Variants in DHX29 observed in about 807,000 individuals in gnomAD.
The protein encoded by DHX29 is DExH-box helicase 29, also known as ATP-dependent RNA helicase DHX29.
DHX29 carries 79 observed loss-of-function variants against 167.9 expected under a neutral mutation model. That is an observed-to-expected ratio of 0.47 (90% CI 0.39 to 0.57). DHX29 has a LOEUF of 0.57. Ranked by LOEUF, DHX29 falls within the 20% of genes least tolerant of loss-of-function variation. The pLI, the probability that DHX29 is intolerant of heterozygous loss-of-function variation, is 0.00. For missense variants in DHX29, 1,347 were observed against 1,593.4 expected (o/e 0.85, Z 2.63); for synonymous variants, 530 against 546.0 (o/e 0.97, Z 0.41).
intron 22 of DHX29, 71 bp from the exon 23 acceptor site, chr5:55,267,302 A>G: frequency 9.3e-7 from 1 of 1,078,540 alleles, no homozygotes; most frequent in Non-Finnish European, 1.4e-6. Context: ...TTTCAGAGCT[A>G]GTAACCAAAG....
intron 16 of DHX29, among the ~76,000 whole-genome samples, chr5:55,273,751 T>C (rs529589952): frequency 1.3e-5 from 2 of 152,240 alleles, no homozygotes; most frequent in East Asian, 1.9e-4. Flanking sequence ...GGAGTCACCA[T>C]CTTACTTTTT....
intron 6 of DHX29, among the ~76,000 whole-genome samples, chr5:55,293,493 G>A (rs1748152569): frequency 1.3e-5 from 2 of 152,078 alleles, no homozygotes; most frequent in South Asian, 4.1e-4. Flanking sequence ...TGGATATATA[G>A]TGTATCTCAT....
chr5:55,278,024 T>C (rs1747211485), intron 12 of DHX29, among the ~76,000 whole-genome samples: 1 of 151,680 alleles, frequency 6.6e-6, no homozygotes, highest in African/African-American at 2.4e-5. Context: ...ACAAGACAGA[T>C]GGTTTATCTA....
intron 25 of DHX29, 87 bp from the exon 26 acceptor site, chr5:55,260,031 A>G (rs1208345564): frequency 1.5e-6 from 1 of 673,092 alleles, no homozygotes; most frequent in African/African-American, 1.8e-5. Flanking sequence ...CTATATTACA[A>G]TCTGCCTTAG....
chr5:55,307,685 CG>C lies in DHX29; in HGVS notation c.-113del, dbSNP rs1057379701. On this transcript the variant is annotated 5_prime_UTR_variant, in exon 1 of 27. Transcript: ENST00000251636. ...GGGGCTGCCACCCTGCGCTTCGATC[CG>C]GGCTTCTCGGGCCGGGGCGACCGCT... The C allele has an allele frequency of 6.5e-6, 9 of 1,374,658 alleles. No homozygotes were observed. In the Admixed American group the frequency reaches 2.0e-4, roughly 31 times the overall value. 85.2% of individuals were successfully genotyped at this position (1,374,658 alleles called of 1,614,324 possible). A position where few individuals can be genotyped will look rare whatever the true frequency, so the allele number is the denominator to read the frequency against.
At chr5:55,273,247 A>G in intron 17 of DHX29, 46 bp downstream of exon 17, 2 of 1,511,412 alleles carry the variant, frequency 1.3e-6, no homozygotes, top group Non-Finnish European at 8.9e-7. Flanking sequence ...CCATCATAAA[A>G]TACTCTCAGG....
intron 1 of DHX29, among the ~76,000 whole-genome samples, chr5:55,299,924 A>C (rs1483600585): frequency 1.3e-5 from 2 of 152,186 alleles, no homozygotes; most frequent in African/African-American, 4.8e-5. Context: ...ACCAGGAAAC[A>C]ACACACATTA....
At chr5:55,269,785 A>C in intron 20 of DHX29, 148 bp from the exon 21 acceptor site, 1 of 608,312 alleles carries the variant, frequency 1.6e-6, no homozygotes, top group Non-Finnish European at 2.9e-6. Flanking sequence ...TATTTTTTTT[A>C]TAATGGGGGT....
At chr5:55,267,468 G>A (rs1746636284) in intron 22 of DHX29, among the ~76,000 whole-genome samples, 1 of 152,006 alleles carries the variant, frequency 6.6e-6, no homozygotes, top group African/African-American at 2.4e-5. Context: ...CTTCAAATAT[G>A]AGTTAATATA....
chr5:55,298,773 G>T lies in DHX29; in HGVS notation c.188-109C>A, dbSNP rs554712680. The T allele has an allele frequency of 2.8e-4, 140 of 496,950 alleles. 7 individuals carry two copies. In the South Asian group the frequency reaches 3.0e-3, roughly 11 times the overall value. The allele number at this position is 496,950 out of a possible 1,614,324, so 30.8% of individuals were successfully genotyped here. A position where few individuals can be genotyped will look rare whatever the true frequency, so the allele number is the denominator to read the frequency against. On this transcript the variant is annotated intron_variant, in intron 1 of 26. Coordinates refer to ENST00000251636, the MANE Select transcript of DHX29 (RefSeq NM_019030.4). The stretch of plus-strand genomic sequence containing the variant: ...AGGCCGGGCGCGGTGGCTCACGCCT[G>T]TAATCCCAGCACTTTGGGAGGCCGA...
chr5:55,294,382 A>G (rs1748200273), intron 5 of DHX29, among the ~76,000 whole-genome samples: 1 of 152,236 alleles, frequency 6.6e-6, no homozygotes, highest in Non-Finnish European at 1.5e-5. Context: ...GAACTGTTAA[A>G]AACTAGTGTT....
chr5:55,296,479 G>C, intron 3 of DHX29, 130 bp from the exon 4 acceptor site: 1 of 1,199,600 alleles, frequency 8.3e-7, no homozygotes, highest in Non-Finnish European at 1.1e-6. Context: ...TTTTTTCCCA[G>C]TTAAAAATGA....
Position 55,289,271 on chromosome 5 carries a change from T to A in DHX29, c.1065A>T (p.Lys355Asn). ...CTGACCATCTTCCCTTAATTTTACC[T>A]TTCTCTTCTTCAGTAGCAGCTGCAG... is the stretch of plus-strand genomic sequence containing the variant. ...EKSAAATEEE[K>N]DKKKEPHDVR... Residue 355 changes from lysine (K) to asparagine (N), a missense_variant and splice_region_variant, in exon 8 of 27, where the codon AAA (lysine) becomes AAT (asparagine). Coordinates refer to ENST00000251636, the MANE Select transcript of DHX29 (RefSeq NM_019030.4). 1 of 1,561,020 alleles carries A rather than the reference T, an allele frequency of 6.4e-7. No individual in the cohort carries two copies. Among genetic ancestry groups the A allele is most frequent in the Non-Finnish European group, 8.6e-7 (1 of 1,161,674 alleles).
Position 55,277,283 on chromosome 5 carries a change from C to T in DHX29, c.2110-1G>A. ...CTGACTGGACACTTCTTTCATGAAC[C>T]TAGTTTTAAAAAGGGAATAAAAAAG... On this transcript the variant is annotated splice_acceptor_variant, in intron 12 of 26. Coordinates refer to ENST00000251636, the MANE Select transcript of DHX29 (RefSeq NM_019030.4). LOFTEE classifies it high-confidence loss of function. 1 of 1,582,884 alleles carries T rather than the reference C, an allele frequency of 6.3e-7. No homozygotes were observed. The highest frequency in any genetic ancestry group is 8.6e-7 in the Non-Finnish European group (1 of 1,163,722).
chr5:55,288,658 A>C (rs1372499700), intron 8 of DHX29, among the ~76,000 whole-genome samples: 1 of 152,140 alleles, frequency 6.6e-6, no homozygotes, highest in Non-Finnish European at 1.5e-5. Flanking sequence ...AAATTTTTTA[A>C]AAAAATAATT....
Position 55,262,759 on chromosome 5 carries a change from A to G in DHX29, c.3699T>C (p.Tyr1233=), listed in dbSNP as rs1746369996. ...GLYDNVGKII[Y]TKSVDVTEKL... ...TTTCTGTAACATCCACTGACTTTGT[A>G]TAGATTATCTTCCCCACATTGTCAT... is the stretch of plus-strand genomic sequence containing the variant. Residue 1233 remains tyrosine (Y), a synonymous_variant, in exon 24 of 27, where the codon TAT becomes TAC. Transcript: ENST00000251636. 1.2e-6 allele frequency: 2 copies of G among 1,613,980 alleles called. No homozygotes were observed. Among genetic ancestry groups the G allele is most frequent in the East Asian group, 2.2e-5 (1 of 44,884 alleles).
At chr5:55,288,583 G>A (rs1056548713) in intron 8 of DHX29, among the ~76,000 whole-genome samples, 1 of 151,878 alleles carries the variant, frequency 6.6e-6, no homozygotes, top group African/African-American at 2.4e-5. Context: ...TATAGTGAAT[G>A]GTCTTCTCAA....
intron 1 of DHX29, among the ~76,000 whole-genome samples, chr5:55,299,998 T>C (rs182567335): frequency 3.3e-5 from 5 of 152,308 alleles, no homozygotes; most frequent in Admixed American, 3.3e-4. Context: ...CCAAATAGTT[T>C]TTGTTTATGT....
At chr5:55,267,599 C>A in intron 22 of DHX29, 87 bp downstream of exon 22, 1 of 1,226,136 alleles carries the variant, frequency 8.2e-7, no homozygotes, top group Non-Finnish European at 1.1e-6. Flanking sequence ...CTCAGAAGTA[C>A]AATTTTAATA....
Sources: gnomAD v4.1 joint callset for allele counts (sites outside exome capture counted in the v4.1 genomes callset) on GRCh38, gnomAD v4.1.1 for gene constraint, MANE v1.5 for transcripts, NCBI Gene and HGNC (gene_info 2026-07-23, HGNC 2026-07-21) for gene names.